Variants in ADGRB3 observed in about 807,000 individuals in gnomAD.
The protein encoded by ADGRB3 is brain-specific angiogenesis inhibitor 3.
ADGRB3 carries 37 observed loss-of-function variants against 193.4 expected under a neutral mutation model. The ratio of observed to expected loss-of-function variants is 0.19; its 90% CI spans 0.15 to 0.25. The LOEUF (loss-of-function observed/expected upper bound fraction) is 0.25. ADGRB3 is among the 10% of genes least tolerant of loss of function. The probability of loss-of-function intolerance (pLI) is 1.00; values close to 1 mark genes in which losing one functional copy is unlikely to be tolerated. For missense variants in ADGRB3, 1,637 were observed against 1,852.9 expected (o/e 0.88, Z 2.14); for synonymous variants, 690 against 644.2 (o/e 1.07, Z -1.08).
intron 3 of ADGRB3, among the ~76,000 whole-genome samples, chr6:68,674,353 A>AT (rs762272085): frequency 1.3e-5 from 2 of 152,240 alleles, no homozygotes; most frequent in Admixed American, 6.5e-5. Context: ...ATAGAAGGGA[A>AT]TTTTTTTGCC....
chr6:69,382,001 G>A lies in ADGRB3; in HGVS notation c.4276-830G>A, dbSNP rs201543763. 1.3e-4 allele frequency among the ~76,000 whole-genome samples: 19 copies of A among 151,806 alleles called. No individual in the cohort carries two copies. The East Asian group carries it at 1.6e-3, about 12-fold the overall frequency. On this transcript the variant is annotated intron_variant, in intron 30 of 31. Transcript: ENST00000370598. The stretch of plus-strand genomic sequence containing the variant: ...GGCACTTATTATCTAACTCTTCTTC[G>A]TTAGTGCTCTTAAATGATCTGTAAT...
chr6:68,935,479 A>C (rs1430308217), intron 4 of ADGRB3, among the ~76,000 whole-genome samples: 1 of 152,192 alleles, frequency 6.6e-6, no homozygotes, highest in Non-Finnish European at 1.5e-5. Context: ...AATATTGTTA[A>C]ATTGCTCTTT....
intron 17 of ADGRB3, among the ~76,000 whole-genome samples, chr6:69,108,685 T>C (rs139229827): frequency 2.6e-5 from 4 of 152,218 alleles, no homozygotes; most frequent in African/African-American, 9.6e-5. Flanking sequence ...ATTTTTTTAG[T>C]AAGTAAAATC....
chr6:68,843,057 A>AAAAAC (rs571215757), intron 3 of ADGRB3, among the ~76,000 whole-genome samples: 32,341 of 151,394 alleles, frequency 0.21, 4,047 homozygotes, highest in East Asian at 0.58. Context: ...ACAACAAAAA[A>AAAAAC]AAAAACAGGA....
At chr6:68,782,564 G>A (rs1317953029) in intron 3 of ADGRB3, among the ~76,000 whole-genome samples, 3 of 152,060 alleles carry the variant, frequency 2.0e-5, no homozygotes, top group East Asian at 1.9e-4. Context: ...TTCCACAATG[G>A]TTGAACTAGT....
At chr6:69,147,010 T>C (rs530231190) in intron 17 of ADGRB3, among the ~76,000 whole-genome samples, 1 of 152,042 alleles carries the variant, frequency 6.6e-6, no homozygotes, top group Non-Finnish European at 1.5e-5. Flanking sequence ...GTCTCCTTTA[T>C]CATTTCTGAT....
chr6:68,751,960 T>C (rs1766207664), intron 3 of ADGRB3, among the ~76,000 whole-genome samples: 1 of 152,206 alleles, frequency 6.6e-6, no homozygotes, highest in Non-Finnish European at 1.5e-5. Flanking sequence ...TTTCCTTTAA[T>C]TTTGTATCAA....
chr6:68,961,606 A>ATTC (rs1768236219), intron 8 of ADGRB3, among the ~76,000 whole-genome samples: 1 of 152,124 alleles, frequency 6.6e-6, no homozygotes, highest in Non-Finnish European at 1.5e-5. Flanking sequence ...AACAAGTTAG[A>ATTC]TTCTTCTAAA....
At chr6:69,291,709 C>G (rs866866148) in intron 20 of ADGRB3, among the ~76,000 whole-genome samples, 1 of 152,068 alleles carries the variant, frequency 6.6e-6, no homozygotes, top group Non-Finnish European at 1.5e-5. Flanking sequence ...AGACCCTAAC[C>G]TCATGGCAAA....
chr6:69,314,243 G>T (rs756539910), intron 20 of ADGRB3, among the ~76,000 whole-genome samples: 4 of 151,578 alleles, frequency 2.6e-5, no homozygotes, highest in African/African-American at 7.3e-5. Context: ...CTGTGGAACA[G>T]ATTTTTTTCT....
At chr6:69,037,253 G>C (rs559225332) in intron 13 of ADGRB3, among the ~76,000 whole-genome samples, 1 of 152,154 alleles carries the variant, frequency 6.6e-6, no homozygotes, top group Non-Finnish European at 1.5e-5. Flanking sequence ...GAAAATAAAG[G>C]ATTCTAATTA....
chr6:69,238,971 T>C (rs895420812), intron 19 of ADGRB3, among the ~76,000 whole-genome samples, 153 bp from the exon 20 acceptor site: 12 of 152,118 alleles, frequency 7.9e-5, no homozygotes, highest in Middle Eastern at 3.4e-3. Context: ...TAATTTTTTA[T>C]TTTAGAAACT....
At chr6:68,931,349 G>A (rs554338813) in intron 4 of ADGRB3, among the ~76,000 whole-genome samples, 2 of 151,842 alleles carry the variant, frequency 1.3e-5, no homozygotes, top group South Asian at 4.2e-4. Context: ...TATAATTTAT[G>A]CCCATTATTT....
chr6:69,078,787 G>A (rs78662707), intron 17 of ADGRB3, among the ~76,000 whole-genome samples: 13,812 of 151,624 alleles, frequency 0.091, 816 homozygotes, highest in Middle Eastern at 0.21. Flanking sequence ...TCTTATTTTC[G>A]TTTGGTTACC....
chr6:69,133,005 AC>A (rs898975292), intron 17 of ADGRB3, among the ~76,000 whole-genome samples: 22 of 152,174 alleles, frequency 1.4e-4, no homozygotes, highest in Admixed American at 9.8e-4. Flanking sequence ...TGGTACCAGT[AC>A]CATGCTGTTT....
At chr6:69,126,149 G>T (rs16900526) in intron 17 of ADGRB3, among the ~76,000 whole-genome samples, 17,525 of 152,072 alleles carry the variant, frequency 0.12, 1,061 homozygotes, top group Admixed American at 0.13. Context: ...ATAATATCAA[G>T]AAATTCCCTT....
intron 12 of ADGRB3, among the ~76,000 whole-genome samples, chr6:69,015,182 G>A (rs3823066): frequency 0.43 from 64,607 of 151,610 alleles, 14,443 homozygotes; most frequent in African/African-American, 0.47. Flanking sequence ...ATCTTTCTAG[G>A]CTGCTAGAGA....
chr6:69,006,479 A>C (rs1360665738), intron 11 of ADGRB3, among the ~76,000 whole-genome samples: 1 of 151,718 alleles, frequency 6.6e-6, no homozygotes, highest in Non-Finnish European at 1.5e-5. Flanking sequence ...TCTCCTCTGG[A>C]TTAATCTCAG....
chr6:69,136,798 A>G (rs1000165121), intron 17 of ADGRB3, among the ~76,000 whole-genome samples: 9 of 152,054 alleles, frequency 5.9e-5, no homozygotes, highest in African/African-American at 2.2e-4. Flanking sequence ...TTTTATGCAT[A>G]TCTAGATAGA....
Sources: gnomAD v4.1 joint callset for allele counts (sites outside exome capture counted in the v4.1 genomes callset) on GRCh38, gnomAD v4.1.1 for gene constraint, MANE v1.5 for transcripts, NCBI Gene and HGNC (gene_info 2026-07-23, HGNC 2026-07-21) for gene names.